TNIK: variants seen among roughly 807,000 people sequenced by gnomAD.
TNIK encodes the protein TRAF2 and NCK-interacting protein kinase.
TNIK carries 49 observed loss-of-function variants against 191.3 expected under a neutral mutation model. The ratio of observed to expected loss-of-function variants is 0.26; its 90% confidence interval spans 0.20 to 0.32. The LOEUF (loss-of-function observed/expected upper bound fraction) is 0.32, where lower values mean the gene tolerates loss of function less well. Among genes scored for constraint, TNIK ranks in the 10% least tolerant of loss-of-function variants. The pLI is 1.00. For missense variants in TNIK, 1,155 were observed against 1,702.3 expected, an observed-to-expected ratio of 0.68 and a Z score of 5.66; for synonymous variants, 594 against 600.9, an observed-to-expected ratio of 0.99 and a Z score of 0.17.
intron 2 of TNIK, among the ~76,000 whole-genome samples, chr3:171,299,397 G>A (rs536767023): frequency 6.6e-6 from 1 of 151,642 alleles, no homozygotes; most frequent in Non-Finnish European, 1.5e-5. Flanking sequence ...AAGTAACAAA[G>A]CTCTGAATTC....
In TNIK at chr3:171,340,457, G is replaced by T. The variant is rs150953593; in HGVS notation, c.123+29163C>A. 5.7e-3 allele frequency among the ~76,000 whole-genome samples: 875 copies of T among 152,270 alleles called. 7 individuals carry two copies. The highest frequency in any genetic ancestry group is 0.02 in the African/African-American group (835 of 41,544). The stretch of plus-strand genomic sequence containing the variant: ...TAAACCGAATACATAAACAGGATGA[G>T]TGCAGTTTGAATTTTAATTTACTCC... On this transcript the variant is annotated intron_variant, in intron 2 of 32. Transcript: ENST00000436636.
At chr3:171,319,339 G>A (rs1343269603) in intron 2 of TNIK, among the ~76,000 whole-genome samples, 1 of 152,086 alleles carries the variant, frequency 6.6e-6, no homozygotes, top group Non-Finnish European at 1.5e-5. Context: ...CAAAAATTCT[G>A]CAGTTAAGTT....
At chr3:171,270,514 T>TAA (rs1463515701) in intron 2 of TNIK, among the ~76,000 whole-genome samples, 1 of 152,210 alleles carries the variant, frequency 6.6e-6, no homozygotes, top group Non-Finnish European at 1.5e-5. Context: ...CATTCCCACC[T>TAA]AAATATCACA....
chr3:171,217,183 T>C (rs1741551867), intron 3 of TNIK, among the ~76,000 whole-genome samples: 1 of 151,948 alleles, frequency 6.6e-6, no homozygotes. Context: ...GTAAAGAAAA[T>C]ATGGTATGCA....
intron 2 of TNIK, among the ~76,000 whole-genome samples, chr3:171,284,473 C>A (rs1490844162): frequency 6.6e-6 from 1 of 152,134 alleles, no homozygotes; most frequent in African/African-American, 2.4e-5. Context: ...ACATGGGGCA[C>A]TCTGAATCAT....
chr3:171,083,067 C>G (rs1576759245), intron 26 of TNIK, among the ~76,000 whole-genome samples: 2 of 152,124 alleles, frequency 1.3e-5, no homozygotes, highest in East Asian at 3.8e-4. Flanking sequence ...GAAGCACAGG[C>G]ACATAAGTGG....
intron 2 of TNIK, among the ~76,000 whole-genome samples, chr3:171,347,391 T>TCACACACACACACACA (rs150384769): frequency 9.4e-4 from 137 of 146,170 alleles, no homozygotes; most frequent in Middle Eastern, 3.5e-3. Context: ...GAAGTGCCTA[T>TCACACACACACACACA]CACACACACA....
chr3:171,447,516 A>T (rs1032201791), intron 1 of TNIK, among the ~76,000 whole-genome samples: 1 of 152,246 alleles, frequency 6.6e-6, no homozygotes, highest in African/African-American at 2.4e-5. Flanking sequence ...CCATAAATCA[A>T]ATGATGGCTA....
intron 2 of TNIK, among the ~76,000 whole-genome samples, chr3:171,270,621 T>C (rs555463200): frequency 2.6e-5 from 4 of 152,284 alleles, no homozygotes; most frequent in Admixed American, 2.0e-4. Context: ...TAATTTCATT[T>C]CCTGAAATAC....
rs771295654 is a variant in TNIK at position 171,423,853 on chromosome 3, A to C, written c.57+36154T>G. ...TAATTCAAGATGGATTAAAGACTTA[A>C]ATGTTAGACCGAAAACCATAAAAAC... is the stretch of plus-strand genomic sequence containing the variant. On this transcript the variant is annotated intron_variant, in intron 1 of 32. Coordinates refer to ENST00000436636, the MANE Select transcript of TNIK (RefSeq NM_015028.4). Among the ~76,000 whole-genome samples the C allele has an allele frequency of 5.7e-4, 87 of 152,234 alleles. 1 individual carries two copies. Among genetic ancestry groups the C allele is most frequent in the Non-Finnish European group, 8.4e-4 (57 of 68,038 alleles).
intron 18 of TNIK, among the ~76,000 whole-genome samples, chr3:171,121,603 G>A (rs1053220876): frequency 6.6e-6 from 1 of 152,230 alleles, no homozygotes; most frequent in African/African-American, 2.4e-5. Context: ...CCAGGCGAGA[G>A]CAGCTGAACT....
At position 171,337,265 on chromosome 3, in the gene TNIK, T is replaced by C. The variant is rs556225871; in HGVS notation, c.123+32355A>G. Among the ~76,000 whole-genome samples the C allele has an allele frequency of 3.9e-5, 6 of 152,204 alleles. No individual in the cohort carries two copies. The South Asian group carries it at 1.2e-3, about 32-fold the overall frequency. ...AACAAAGACACGAATACCCCTTAGC[T>C]GGAAGGAGAGAAGGTAAGAGCCTCC... On this transcript the variant is annotated intron_variant, in intron 2 of 32. Transcript: ENST00000436636.
intron 2 of TNIK, among the ~76,000 whole-genome samples, chr3:171,344,352 T>A (rs1711810531): frequency 6.6e-6 from 1 of 152,202 alleles, no homozygotes; most frequent in South Asian, 2.1e-4. Flanking sequence ...TTATAGGCTA[T>A]TGAACAACCA....
chr3:171,427,734 A>T (rs1277049157), intron 1 of TNIK, among the ~76,000 whole-genome samples: 1 of 152,202 alleles, frequency 6.6e-6, no homozygotes, highest in Non-Finnish European at 1.5e-5. Context: ...ATCAAGGGAA[A>T]GATGGCTCAC....
At chr3:171,243,501 T>C (rs1171833862) in intron 2 of TNIK, among the ~76,000 whole-genome samples, 1 of 152,124 alleles carries the variant, frequency 6.6e-6, no homozygotes, top group Non-Finnish European at 1.5e-5. Flanking sequence ...ACCCTTCCCA[T>C]TGTTTTCTAT....
intron 2 of TNIK, among the ~76,000 whole-genome samples, chr3:171,275,859 T>G (rs1379260760): frequency 6.6e-6 from 1 of 151,976 alleles, no homozygotes; most frequent in Non-Finnish European, 1.5e-5. Flanking sequence ...ATCGTGCCAC[T>G]GCACTCCAAG....
At chr3:171,218,982 T>C (rs1560278460) in intron 3 of TNIK, among the ~76,000 whole-genome samples, 1 of 129,200 alleles carries the variant, frequency 7.7e-6, no homozygotes, top group Admixed American at 8.7e-5. Flanking sequence ...TTTATATTTA[T>C]ATTAAATTAT....
chr3:171,178,632 G>A (rs1191462597), intron 7 of TNIK, among the ~76,000 whole-genome samples: 1 of 152,080 alleles, frequency 6.6e-6, no homozygotes, highest in African/African-American at 2.4e-5. Flanking sequence ...CAAGAGATGG[G>A]GAAAACCTGG....
intron 1 of TNIK, among the ~76,000 whole-genome samples, chr3:171,441,380 A>G (rs916587564): frequency 6.6e-6 from 1 of 152,212 alleles, no homozygotes; most frequent in Admixed American, 6.5e-5. Flanking sequence ...CATTTTCTAG[A>G]CATTTCATAT....
Sources: gnomAD v4.1 joint callset for allele counts (sites outside exome capture counted in the v4.1 genomes callset) on GRCh38, gnomAD v4.1.1 for gene constraint, MANE v1.5 for transcripts, NCBI Gene and HGNC (gene_info 2026-07-23, HGNC 2026-07-21) for gene names.